The following MMP26 variants were observed in gnomAD, a reference collection of about 807,000 sequenced individuals.
The protein encoded by MMP26 is matrix metalloproteinase-26.
A neutral mutation model predicts 31.0 loss-of-function variants in MMP26; 33 were observed. That is an observed-to-expected ratio of 1.06 (90% confidence interval 0.81 to 1.42). MMP26 has a LOEUF of 1.42. MMP26 is among the 40% of genes most tolerant of loss of function. MMP26 has a pLI of 0.00. For synonymous variants in MMP26, 122 were observed against 114.9 expected (o/e 1.06, Z -0.40); for missense variants, 347 against 316.1 (o/e 1.10, Z -0.74).
intron 1 of MMP26, among the ~76,000 whole-genome samples, chr11:4,749,705 G>C (rs1246550308): frequency 1.3e-5 from 2 of 152,078 alleles, no homozygotes; most frequent in Non-Finnish European, 2.9e-5. Context: ...TAAATAAATG[G>C]TGCTGGGAAA....
chr11:4,853,874 T>C (rs929651311), intron 2 of MMP26, among the ~76,000 whole-genome samples: 2 of 152,136 alleles, frequency 1.3e-5, no homozygotes, highest in Non-Finnish European at 2.9e-5. Flanking sequence ...TAAATAGACA[T>C]ATAAATTCTT....
chr11:4,909,000 CTGT>C (rs1190916913), intron 2 of MMP26: 1 of 152,182 alleles, frequency 6.6e-6, no homozygotes, highest in Non-Finnish European at 1.5e-5. Context: ...CATTTAGCTG[CTGT>C]TGTTATTTTT....
intron 2 of MMP26, among the ~76,000 whole-genome samples, chr11:4,932,293 C>G (rs954003670): frequency 6.6e-6 from 1 of 152,104 alleles, no homozygotes; most frequent in Non-Finnish European, 1.5e-5. Flanking sequence ...AGAGATGGAA[C>G]GTATTTCTCT....
At chr11:4,903,046 T>A (rs1286749092) in intron 2 of MMP26, among the ~76,000 whole-genome samples, 1 of 152,094 alleles carries the variant, frequency 6.6e-6, no homozygotes, top group South Asian at 2.1e-4. Flanking sequence ...CAGTTATATA[T>A]ATATCCTTAT....
At chr11:4,944,127 A>G (rs767966029) in intron 2 of MMP26, 11 of 455,826 alleles carry the variant, frequency 2.4e-5, no homozygotes, top group African/African-American at 2.0e-5. Flanking sequence ...GAAAAGGTAG[A>G]TAGATACAGT....
At chr11:4,968,399 C>A (rs1287724074) in intron 2 of MMP26, among the ~76,000 whole-genome samples, 1 of 151,802 alleles carries the variant, frequency 6.6e-6, no homozygotes, top group Non-Finnish European at 1.5e-5. Flanking sequence ...TTTTCAGAGG[C>A]CCTCTGGGAA....
intron 2 of MMP26, among the ~76,000 whole-genome samples, chr11:4,826,671 C>G (rs531718805): frequency 2.0e-5 from 3 of 152,096 alleles, no homozygotes; most frequent in Non-Finnish European, 4.4e-5. Flanking sequence ...TTTCAGTGTG[C>G]CTCCACTACC....
chr11:4,963,299 GC>G (rs1846546154), intron 2 of MMP26, among the ~76,000 whole-genome samples: 1 of 152,106 alleles, frequency 6.6e-6, no homozygotes, highest in Admixed American at 6.5e-5. Context: ...CATGAAAATG[GC>G]CATACTGCCC....
chr11:4,715,852 A>G (rs1256039241), intron 1 of MMP26, among the ~76,000 whole-genome samples: 7 of 152,206 alleles, frequency 4.6e-5, no homozygotes, highest in Non-Finnish European at 1.0e-4. Flanking sequence ...CACTCCCATG[A>G]TTACGTTACA....
At chr11:4,854,322 G>T (rs747407108) in intron 2 of MMP26, among the ~76,000 whole-genome samples, 1 of 152,218 alleles carries the variant, frequency 6.6e-6, no homozygotes, top group Non-Finnish European at 1.5e-5. Context: ...GCCAAGGGAA[G>T]CTGTGACAGA....
intron 2 of MMP26, chr11:4,923,456 C>A (rs1329267337): frequency 1.2e-6 from 2 of 1,611,936 alleles, no homozygotes; most frequent in Non-Finnish European, 1.7e-6. Context: ...GGTCTTGATG[C>A]TGTAGATGAT....
intron 2 of MMP26, chr11:4,912,692 G>A (rs1851009562): frequency 6.6e-6 from 1 of 152,050 alleles, no homozygotes; most frequent in Non-Finnish European, 1.5e-5. Flanking sequence ...TGTGATTATG[G>A]GATCTGAGTT....
At chr11:4,931,742 G>A (rs1015430538) in intron 2 of MMP26, among the ~76,000 whole-genome samples, 1 of 152,006 alleles carries the variant, frequency 6.6e-6, no homozygotes, top group South Asian at 2.1e-4. Flanking sequence ...ATGAAATTTA[G>A]TTTTGGGTCA....
At chr11:4,776,240 G>A (rs1421506290) in intron 2 of MMP26, among the ~76,000 whole-genome samples, 1 of 152,102 alleles carries the variant, frequency 6.6e-6, no homozygotes, top group Non-Finnish European at 1.5e-5. Flanking sequence ...ATTGTGAATA[G>A]TGTTGTGATA....
chr11:4,738,070 G>A (rs763707628), intron 1 of MMP26, among the ~76,000 whole-genome samples: 1 of 152,026 alleles, frequency 6.6e-6, no homozygotes, highest in East Asian at 1.9e-4. Context: ...TAGGACTACA[G>A]GTGTAAGCCA....
At chr11:4,902,775 A>G (rs1045599293) in intron 2 of MMP26, among the ~76,000 whole-genome samples, 3 of 152,162 alleles carry the variant, frequency 2.0e-5, no homozygotes, top group African/African-American at 7.2e-5. Context: ...AATCTCATTT[A>G]TCTTATGGGA....
At chr11:4,790,435 G>A (rs1849010401) in intron 2 of MMP26, among the ~76,000 whole-genome samples, 1 of 152,124 alleles carries the variant, frequency 6.6e-6, no homozygotes, top group South Asian at 2.1e-4. Flanking sequence ...GATGTTGCTG[G>A]AGTTTCTCCC....
intron 2 of MMP26, among the ~76,000 whole-genome samples, chr11:4,837,613 A>G (rs978617762): frequency 2.0e-5 from 3 of 152,334 alleles, no homozygotes; most frequent in East Asian, 3.9e-4. Context: ...AAAGACATTC[A>G]TTTTTACTAT....
chr11:4,852,638 C>T (rs1049087715), intron 2 of MMP26, among the ~76,000 whole-genome samples: 4 of 152,060 alleles, frequency 2.6e-5, no homozygotes, highest in Non-Finnish European at 5.9e-5. Context: ...TTTGTACACC[C>T]ATTATGAAGA....
Sources: allele counts gnomAD v4.1 joint callset (sites outside exome capture counted in the v4.1 genomes callset), GRCh38; gene constraint gnomAD v4.1.1; transcripts MANE v1.5; gene names NCBI Gene and HGNC (gene_info 2026-07-23, HGNC 2026-07-21).